MAPKAP1: variants seen among roughly 807,000 people sequenced by gnomAD.
The protein encoded by MAPKAP1 is target of rapamycin complex 2 subunit MAPKAP1.
A neutral mutation model predicts 65.7 loss-of-function variants in MAPKAP1; 20 were observed. The observed-to-expected ratio is 0.30, with a 90% CI of 0.21 to 0.44. The LOEUF is 0.44. MAPKAP1 is among the 20% of genes least tolerant of loss of function. The probability of loss-of-function intolerance (pLI) is 1.00; values close to 1 mark genes in which losing one functional copy is unlikely to be tolerated. For synonymous variants in MAPKAP1, 222 were observed against 244.3 expected (o/e 0.91, Z 0.85); for missense variants, 423 against 648.0 (o/e 0.65, Z 3.77).
intron 7 of MAPKAP1, among the ~76,000 whole-genome samples, chr9:125,528,641 G>A (rs1460925129): frequency 6.6e-6 from 1 of 151,810 alleles, no homozygotes; most frequent in Non-Finnish European, 1.5e-5. Flanking sequence ...GAGGTCAGGA[G>A]TTCGAGACCA....
intron 3 of MAPKAP1, among the ~76,000 whole-genome samples, chr9:125,665,693 C>G (rs559999171): frequency 3.3e-5 from 5 of 151,496 alleles, no homozygotes; most frequent in Non-Finnish European, 7.4e-5. Context: ...TCTACTAAAT[C>G]AAGAATTCCA....
At chr9:125,620,578 G>T (rs1832867979) in intron 4 of MAPKAP1, among the ~76,000 whole-genome samples, 1 of 152,202 alleles carries the variant, frequency 6.6e-6, no homozygotes, top group Non-Finnish European at 1.5e-5. Context: ...AGCGTTGTTT[G>T]TAATAGTAAA....
intron 7 of MAPKAP1, chr9:125,521,780 C>A (rs1271588461): frequency 6.2e-7 from 1 of 1,611,528 alleles, no homozygotes; most frequent in Admixed American, 1.7e-5. Context: ...GGACAAAAAA[C>A]AGAAGAAACA....
chr9:125,519,918 C>T (rs1829572525), intron 7 of MAPKAP1, among the ~76,000 whole-genome samples: 1 of 152,058 alleles, frequency 6.6e-6, no homozygotes, highest in Admixed American at 6.5e-5. Flanking sequence ...TCCATCCCTA[C>T]AGCCTGTGGG....
In MAPKAP1 at chr9:125,667,484, T is replaced by C. The variant is rs546123343; in HGVS notation, c.349+2334A>G. On this transcript the variant is annotated intron_variant, in intron 3 of 11. Transcript: ENST00000265960. ...ACAGGCGCACACCACCATGCCCAGCTAATTTATATTTTTAGTTGAGACAGG... is the reference window on the plus strand; with the variant it reads ...ACAGGCGCACACCACCATGCCCAGCCAATTTATATTTTTAGTTGAGACAGG... Among the ~76,000 whole-genome samples the C allele has an allele frequency of 1.2e-3, 28 of 23,732 alleles. No homozygotes were observed. In the South Asian group the frequency reaches 0.19, roughly 159 times the overall value. 15.6% of individuals were successfully genotyped at this position (23,732 alleles called of 152,430 possible).
At chr9:125,451,287 C>T (rs770676709) in intron 10 of MAPKAP1, among the ~76,000 whole-genome samples, 30 of 152,304 alleles carry the variant, frequency 2.0e-4, no homozygotes, top group Admixed American at 1.1e-3. Context: ...CCTGGAGGCA[C>T]GGTCACCTGA....
chr9:125,458,212 G>A (rs943236965), intron 10 of MAPKAP1, among the ~76,000 whole-genome samples: 1 of 138,748 alleles, frequency 7.2e-6, no homozygotes, highest in African/African-American at 2.7e-5. Flanking sequence ...AGTTGCATAT[G>A]GAGTCTTTTT....
intron 9 of MAPKAP1, among the ~76,000 whole-genome samples, chr9:125,476,618 G>A (rs1854120868): frequency 6.6e-6 from 1 of 152,128 alleles, no homozygotes; most frequent in Non-Finnish European, 1.5e-5. Context: ...CTGAGAGTGT[G>A]CCTGAGGAGT....
At chr9:125,450,876 T>C (rs562660397) in intron 10 of MAPKAP1, among the ~76,000 whole-genome samples, 5 of 152,224 alleles carry the variant, frequency 3.3e-5, no homozygotes, top group Admixed American at 2.6e-4. Context: ...CCCTCCTGGT[T>C]GGGTCTCCTC....
At chr9:125,617,530 T>C (rs999300179) in intron 4 of MAPKAP1, among the ~76,000 whole-genome samples, 1 of 152,182 alleles carries the variant, frequency 6.6e-6, no homozygotes, top group Non-Finnish European at 1.5e-5. Flanking sequence ...AAAATACTTA[T>C]AAACAGCATT....
intron 7 of MAPKAP1, among the ~76,000 whole-genome samples, chr9:125,517,478 C>T (rs922504428): frequency 2.0e-5 from 3 of 152,190 alleles, no homozygotes; most frequent in Non-Finnish European, 4.4e-5. Context: ...TAGGGTTTAA[C>T]TATACCCATT....
At chr9:125,577,955 G>A (rs1831495273) in intron 5 of MAPKAP1, among the ~76,000 whole-genome samples, 1 of 151,840 alleles carries the variant, frequency 6.6e-6, no homozygotes, top group Non-Finnish European at 1.5e-5. Context: ...TTGAGAACAG[G>A]CCATGATGAC....
chr9:125,457,532 G>A (rs1020565271), intron 10 of MAPKAP1, among the ~76,000 whole-genome samples: 1 of 152,184 alleles, frequency 6.6e-6, no homozygotes. Flanking sequence ...TGCATGTCTA[G>A]TAATTTTTAA....
rs376811255 is a variant in MAPKAP1 at position 125,483,042 on chromosome 9, G to C, written c.1207+1401C>G. Among the ~76,000 whole-genome samples the C allele has an allele frequency of 7.9e-5, 12 of 152,076 alleles. No individual in the cohort carries two copies. The East Asian group carries it at 1.2e-3, about 15-fold the overall frequency. On this transcript the variant is annotated intron_variant, in intron 9 of 11. Transcript: ENST00000265960. ...AATAAACGAGCAGGGTTTGTACCTG[G>C]GCCTCCGACTCCTGAGTGAGCCCTC...
chr9:125,693,514 C>T (rs1588082266), intron 1 of MAPKAP1, among the ~76,000 whole-genome samples: 1 of 132,280 alleles, frequency 7.6e-6, no homozygotes. Flanking sequence ...TACACATACA[C>T]ACACATATAT....
In MAPKAP1 at chr9:125,604,377, G is replaced by A. The variant is rs118100054; in HGVS notation, c.499-18650C>T. 3.1e-3 allele frequency among the ~76,000 whole-genome samples: 466 copies of A among 152,254 alleles called. 2 individuals carry two copies. The highest frequency in any genetic ancestry group is 4.4e-3 in the African/African-American group (183 of 41,536). On this transcript the variant is annotated intron_variant, in intron 4 of 11. Transcript: ENST00000265960. Reference sequence around the variant, plus strand: ...TGTTTCAAAGGCTCCAGTAGGCAACGGCAGTTATGAGAAATGCTTTATCTG... The same window carrying A: ...TGTTTCAAAGGCTCCAGTAGGCAACAGCAGTTATGAGAAATGCTTTATCTG...
chr9:125,456,136 C>A, intron 10 of MAPKAP1, among the ~76,000 whole-genome samples: 1 of 130,810 alleles, frequency 7.6e-6, no homozygotes, highest in East Asian at 3.0e-4. Flanking sequence ...GGTTTCTCTA[C>A]GTAATATGTC....
chr9:125,476,244 C>A (rs539826175), intron 9 of MAPKAP1, among the ~76,000 whole-genome samples: 2 of 152,338 alleles, frequency 1.3e-5, no homozygotes, highest in South Asian at 4.1e-4. Flanking sequence ...TGATAGCATG[C>A]ATCCTCTGCC....
chr9:125,537,854 T>C (rs958136481), intron 7 of MAPKAP1, among the ~76,000 whole-genome samples: 1 of 152,150 alleles, frequency 6.6e-6, no homozygotes, highest in Non-Finnish European at 1.5e-5. Context: ...AAGTAAGGCC[T>C]ACTGTGTGTG....
Sources: allele counts gnomAD v4.1 joint callset (sites outside exome capture counted in the v4.1 genomes callset), GRCh38; gene constraint gnomAD v4.1.1; transcripts MANE v1.5; gene names NCBI Gene and HGNC (gene_info 2026-07-23, HGNC 2026-07-21).